Variants in TTC29 observed in about 807,000 individuals in gnomAD.
TTC29 encodes tetratricopeptide repeat domain 29, also known as tetratricopeptide repeat protein 29.
Under a neutral mutation model 58.1 loss-of-function variants are expected in TTC29, and 49 were observed. The ratio of observed to expected loss-of-function variants is 0.84; its 90% confidence interval spans 0.67 to 1.07. The LOEUF is 1.07. Among genes scored for constraint, TTC29 ranks in the 50% least tolerant of loss-of-function variants. The pLI is 0.00. For synonymous variants in TTC29, 209 were observed against 196.8 expected (o/e 1.06, Z -0.52); for missense variants, 582 against 555.6 (o/e 1.05, Z -0.48).
intron 6 of TTC29, among the ~76,000 whole-genome samples, chr4:146,900,238 C>G (rs1198194811): frequency 6.6e-6 from 1 of 152,136 alleles, no homozygotes; most frequent in African/African-American, 2.4e-5. Context: ...AGATATGGTT[C>G]TAGGGTTTAT....
chr4:146,895,191 A>T (rs1732688625), intron 6 of TTC29, among the ~76,000 whole-genome samples: 1 of 151,970 alleles, frequency 6.6e-6, no homozygotes, highest in Non-Finnish European at 1.5e-5. Flanking sequence ...TTCCATGGAC[A>T]CCTCTGTTTT....
intron 11 of TTC29, among the ~76,000 whole-genome samples, chr4:146,787,371 C>G (rs1456521056): frequency 2.0e-5 from 3 of 151,986 alleles, no homozygotes; most frequent in Non-Finnish European, 4.4e-5. Context: ...TTCCATGTTT[C>G]TTCTTAAAAA....
At position 146,728,860 on chromosome 4, in the gene TTC29, C is replaced by CATATATATGTGTATATATATACGT. The variant is rs1744103246; in HGVS notation, c.1331-21310_1331-21309insACGTATATATATACACATATATAT. Among the ~76,000 whole-genome samples the CATATATATGTGTATATATATACGT allele has an allele frequency of 8.1e-5, 5 of 62,052 alleles. 1 individual carries two copies. The South Asian group carries it at 3.6e-3, about 45-fold the overall frequency. The allele number at this position is 62,052 out of a possible 152,430, so 40.7% of individuals were successfully genotyped here. A position where few individuals can be genotyped will look rare whatever the true frequency, so the allele number is the denominator to read the frequency against. ...ACACATATATATGTATATATATACA[C>CATATATATGTGTATATATATACGT]ATATATATGTGTGTGTATATATATA... On this transcript the variant is annotated intron_variant, in intron 11 of 12. Coordinates refer to ENST00000325106, the MANE Select transcript of TTC29 (RefSeq NM_031956.4).
chr4:146,791,343 T>C (rs1187194560), intron 11 of TTC29, among the ~76,000 whole-genome samples: 1 of 152,218 alleles, frequency 6.6e-6, no homozygotes, highest in Non-Finnish European at 1.5e-5. Context: ...AATTCAGTAT[T>C]TCAAACTTAC....
chr4:146,734,564 G>C (rs1744584395), intron 11 of TTC29, among the ~76,000 whole-genome samples: 1 of 152,122 alleles, frequency 6.6e-6, no homozygotes, highest in Non-Finnish European at 1.5e-5. Flanking sequence ...GGGGGTGTGG[G>C]AGACAGTCTT....
In TTC29 at chr4:146,707,525, C is replaced by T. The variant is rs2149983845; in HGVS notation, c.1357G>A (p.Ala453Thr). 2.5e-6 allele frequency: 4 copies of T among 1,608,888 alleles called. No homozygotes were observed. The South Asian group carries it at 3.3e-5, about 13-fold the overall frequency. Residue 453 changes from alanine (A) to threonine (T), a missense_variant, in exon 12 of 13, where the codon GCT becomes ACT. By Grantham distance (58) the Ala-to-Thr change is moderately conservative. Coordinates refer to ENST00000325106, the MANE Select transcript of TTC29 (RefSeq NM_031956.4). ...TEEFRGSTVE[A>T]VSQNSERLEE... ...AAACGTTCTGAGTTTTGAGATACAG[C>T]TTCCACTGTGGATCCTCTAAACTCT...
intron 4 of TTC29, among the ~76,000 whole-genome samples, chr4:146,926,094 T>C (rs1734911078): frequency 6.6e-6 from 1 of 152,212 alleles, no homozygotes; most frequent in Non-Finnish European, 1.5e-5. Flanking sequence ...ATTTTACCTG[T>C]TACTATCTTG....
intron 6 of TTC29, among the ~76,000 whole-genome samples, chr4:146,899,270 C>G (rs1250998181): frequency 6.6e-6 from 1 of 152,174 alleles, no homozygotes; most frequent in Admixed American, 6.5e-5. Flanking sequence ...TGGTGTTTCC[C>G]CAGTCATGTC....
Position 146,706,856 on chromosome 4 carries a change from T to C in TTC29, c.*302A>G. On this transcript the variant is annotated 3_prime_UTR_variant, in exon 13 of 13. Transcript: ENST00000325106. ...TTGTAATTATTTTCTCATTAGAAAA[T>C]ATTTTCTTATTTTGGTTTCATGGTA... 1 of 228,876 alleles carries C rather than the reference T, an allele frequency of 4.4e-6. No individual in the cohort carries two copies. The highest frequency in any genetic ancestry group is 8.4e-6 in the Non-Finnish European group (1 of 119,160). 14.2% of individuals were successfully genotyped at this position (228,876 alleles called of 1,614,324 possible).
intron 10 of TTC29, among the ~76,000 whole-genome samples, chr4:146,819,290 A>G (rs1339039284): frequency 6.6e-6 from 1 of 152,166 alleles, no homozygotes; most frequent in Non-Finnish European, 1.5e-5. Context: ...CAAGTGAAAG[A>G]GCTGGGTTTT....
At chr4:146,877,098 T>C (rs1199326300) in intron 6 of TTC29, among the ~76,000 whole-genome samples, 1 of 152,106 alleles carries the variant, frequency 6.6e-6, no homozygotes, top group Admixed American at 6.6e-5. Context: ...GATAGGAGAC[T>C]GCAGGCCATG....
chr4:146,804,365 T>C (rs1579712961), intron 10 of TTC29, among the ~76,000 whole-genome samples: 1 of 152,026 alleles, frequency 6.6e-6, no homozygotes, highest in East Asian at 1.9e-4. Flanking sequence ...CAGTGTTGCC[T>C]GGAATGCAAG....
intron 11 of TTC29, among the ~76,000 whole-genome samples, chr4:146,717,765 G>A (rs187960452): frequency 1.3e-3 from 198 of 152,108 alleles, no homozygotes; most frequent in Non-Finnish European, 2.1e-3. Flanking sequence ...GAGAATTACC[G>A]TCTTAGAGAT....
chr4:146,853,023 A>G (rs1162986915), intron 8 of TTC29, among the ~76,000 whole-genome samples: 2 of 152,188 alleles, frequency 1.3e-5, no homozygotes, highest in Non-Finnish European at 1.5e-5. Context: ...CTAACCTGCT[A>G]CAATCAATCC....
At position 146,903,569 on chromosome 4, in the gene TTC29, A is replaced by G. The variant is rs1243998964; in HGVS notation, c.561T>C (p.His187=). The change falls in exon 6 of 13, where the codon CAT becomes CAC. Residue 187 remains histidine (H), a synonymous_variant. Transcript: ENST00000325106. ...CATCTTCCTCGTAGAGAAGACCCATATGCATGTGTGCCTCGGCTTCTTTCT... is the reference window on the plus strand; with the variant it reads ...CATCTTCCTCGTAGAGAAGACCCATGTGCATGTGTGCCTCGGCTTCTTTCT... ...CGKKEAEAHM[H]MGLLYEEDGQ... 14 of 1,612,118 alleles carry G rather than the reference A, an allele frequency of 8.7e-6. No homozygotes were observed. The highest frequency in any genetic ancestry group is 5.5e-5 in the South Asian group (5 of 90,734).
chr4:146,903,634 A>G lies in TTC29; in HGVS notation c.496T>C (p.Cys166Arg), dbSNP rs752415902. ...KWVRNHFYER[C>R]FKIAQLIKID... ...TTGATCAGCTGAGCAATCTTAAAACATCGTTCATAGAAGTGGTTCCTTACC... is the reference window on the plus strand; with the variant it reads ...TTGATCAGCTGAGCAATCTTAAAACGTCGTTCATAGAAGTGGTTCCTTACC... The change falls in exon 6 of 13, where the codon TGT (cysteine) becomes CGT (arginine). Residue 166 changes from cysteine (C) to arginine (R), a missense_variant. Transcript: ENST00000325106. 1 of 1,613,102 alleles carries G rather than the reference A, an allele frequency of 6.2e-7. No homozygotes were observed. Among genetic ancestry groups the G allele is most frequent in the Admixed American group, 1.7e-5 (1 of 59,914 alleles).
At chr4:146,707,426 G>T in intron 12 of TTC29, 59 bp downstream of exon 12, 1 of 1,223,050 alleles carries the variant, frequency 8.2e-7, no homozygotes, top group Non-Finnish European at 1.2e-6. Flanking sequence ...ATGAGATTAT[G>T]CTTAGTATAT....
intron 11 of TTC29, among the ~76,000 whole-genome samples, chr4:146,728,786 TATATATAC>T (rs1383242470): frequency 1.7e-4 from 22 of 132,050 alleles, no homozygotes; most frequent in Non-Finnish European, 2.8e-4. Context: ...TATATATGTG[TATATATAC>T]GTATATATAC....
rs557051646 is a variant in TTC29, at chr4:146,784,120, A to G, written c.1330+19337T>C. 3.3e-5 allele frequency among the ~76,000 whole-genome samples: 5 copies of G among 151,276 alleles called. No individual in the cohort carries two copies. The South Asian group carries it at 1.0e-3, about 31-fold the overall frequency. Reference sequence around the variant, plus strand: ...TATATTTACTATGTTTATAAAATATATACCATATTTACTATACCATAAACT... The same window carrying G: ...TATATTTACTATGTTTATAAAATATGTACCATATTTACTATACCATAAACT... On this transcript the variant is annotated intron_variant, in intron 11 of 12. Transcript: ENST00000325106.
Sources: gnomAD v4.1 joint callset for allele counts (sites outside exome capture counted in the v4.1 genomes callset) on GRCh38, gnomAD v4.1.1 for gene constraint, MANE v1.5 for transcripts, NCBI Gene and HGNC (gene_info 2026-07-23, HGNC 2026-07-21) for gene names.